Variants in DNAH3 observed in about 807,000 individuals in gnomAD.
DNAH3 encodes the protein dynein axonemal heavy chain 3.
In DNAH3, 332 loss-of-function variants were observed where a neutral mutation model predicts 432.5. That is an observed-to-expected ratio of 0.77 (90% CI 0.70 to 0.84). The LOEUF is 0.84. DNAH3 is among the 40% of genes least tolerant of loss of function. The probability of loss-of-function intolerance (pLI) is 0.00; values close to 1 mark genes in which losing one functional copy is unlikely to be tolerated. For missense variants in DNAH3, 4,861 were observed against 5,114.0 expected, an observed-to-expected ratio of 0.95 and a Z score of 1.51; for synonymous variants, 1,956 against 1,900.2, an observed-to-expected ratio of 1.03 and a Z score of -0.76.
chr16:21,153,615 C>T (rs1460978617), intron 1 of DNAH3, among the ~76,000 whole-genome samples: 5 of 152,162 alleles, frequency 3.3e-5, no homozygotes, highest in Admixed American at 6.5e-5. Flanking sequence ...TTCATGCCGC[C>T]TTAATAGCTG....
At chr16:20,945,018 C>T (rs2083982866) in intron 57 of DNAH3, among the ~76,000 whole-genome samples, 2 of 152,142 alleles carry the variant, frequency 1.3e-5, no homozygotes, top group Non-Finnish European at 2.9e-5. Flanking sequence ...TGTATAGGGA[C>T]TGGGTAAAAT....
intron 61 of DNAH3, 127 bp downstream of exon 61, chr16:20,935,221 C>T (rs925111779): frequency 1.8e-5 from 20 of 1,093,388 alleles, no homozygotes; most frequent in African/African-American, 3.2e-5. Flanking sequence ...ATGCTAAATG[C>T]TTCATATGTA....
intron 38 of DNAH3, among the ~76,000 whole-genome samples, chr16:21,026,681 A>ACAG (rs1181429099): frequency 6.9e-6 from 1 of 144,940 alleles, no homozygotes; most frequent in Admixed American, 7.0e-5. Flanking sequence ...AGCCTGGGTG[A>ACAG]CAGAGTGATA....
intron 19 of DNAH3, among the ~76,000 whole-genome samples, chr16:21,086,515 A>G (rs2091376410): frequency 6.6e-6 from 1 of 152,116 alleles, no homozygotes; most frequent in African/African-American, 2.4e-5. Flanking sequence ...ACTGTATTGA[A>G]CATCCCTGTT....
intron 38 of DNAH3, among the ~76,000 whole-genome samples, chr16:21,026,650 G>A (rs966604313): frequency 7.2e-6 from 1 of 139,700 alleles, no homozygotes; most frequent in Non-Finnish European, 1.5e-5. Flanking sequence ...GCAGTGAGTC[G>A]AGATCATGCC....
Position 20,948,623 on chromosome 16 carries a change from C to T in DNAH3, c.11203G>A (p.Gly3735Arg), listed in dbSNP as rs766826918. Reference sequence around the variant, plus strand: ...TCTTTGTCATCAGTCACTCTGCCTCCGTAATTACATTCCCCTGGGGACAAC... The same window carrying T: ...TCTTTGTCATCAGTCACTCTGCCTCTGTAATTACATTCCCCTGGGGACAAC... Residue 3735 changes from glycine (G) to arginine (R), a missense_variant, in exon 57 of 62, where the codon GGA (glycine) becomes AGA (arginine). Gly to Arg is a moderately radical substitution (Grantham distance 125). Coordinates refer to ENST00000261383, the Ensembl canonical transcript of DNAH3. 18 of 1,614,070 alleles carry T rather than the reference C, an allele frequency of 1.1e-5. No individual in the cohort carries two copies. In the South Asian group the frequency reaches 1.2e-4, roughly 11 times the overall value.
At position 20,959,453 on chromosome 16, in the gene DNAH3, C is replaced by A. The variant is rs368626498; in HGVS notation, c.10601-49G>T. The A allele has an allele frequency of 1.1e-5, 17 of 1,565,486 alleles. No individual in the cohort carries two copies. The East Asian group carries it at 3.2e-4, about 29-fold the overall frequency. ...TTTTGAAAGACGACAGGCCAGCTAA[C>A]AGTAACAGAACAGCTATATCAACAA... is the stretch of plus-strand genomic sequence containing the variant. On this transcript the variant is annotated intron_variant, in intron 53 of 61. Coordinates refer to ENST00000261383, the Ensembl canonical transcript of DNAH3.
At chr16:20,950,518 T>C (rs1295728616) in intron 56 of DNAH3, among the ~76,000 whole-genome samples, 3 of 152,206 alleles carry the variant, frequency 2.0e-5, no homozygotes, top group Admixed American at 6.5e-5. Flanking sequence ...TAAGCCTCTG[T>C]CTTCCCAGCT....
chr16:20,977,231 G>A (rs1396985336), intron 50 of DNAH3, among the ~76,000 whole-genome samples: 1 of 152,102 alleles, frequency 6.6e-6, no homozygotes, highest in Non-Finnish European at 1.5e-5. Context: ...GCAAAAATTA[G>A]CCAGGCGCTG....
intron 49 of DNAH3, 114 bp from the exon 50 acceptor site, chr16:20,979,660 G>A (rs1456377584): frequency 2.1e-5 from 19 of 905,998 alleles, no homozygotes; most frequent in Non-Finnish European, 2.6e-5. Flanking sequence ...ACTGTGACAC[G>A]TTAGAATCCA....
intron 19 of DNAH3, among the ~76,000 whole-genome samples, chr16:21,084,793 C>A (rs1223723158): frequency 6.6e-6 from 1 of 152,022 alleles, no homozygotes; most frequent in Non-Finnish European, 1.5e-5. Context: ...TTTCTGAGTG[C>A]CCACATACAA....
chr16:21,110,947 G>A (rs1392396618), intron 14 of DNAH3, among the ~76,000 whole-genome samples: 1 of 152,118 alleles, frequency 6.6e-6, no homozygotes, highest in Non-Finnish European at 1.5e-5. Flanking sequence ...TGAGGCTACC[G>A]TGCACTGTGA....
rs2088252944 is a variant in DNAH3, at chr16:21,021,954, T to A, written c.5776+17A>T. 6.2e-7 allele frequency: 1 copy of A among 1,611,890 alleles called. No homozygotes were observed. The highest frequency in any genetic ancestry group is 8.5e-7 in the Non-Finnish European group (1 of 1,179,324). On this transcript the variant is annotated intron_variant, in intron 40 of 61. Coordinates refer to ENST00000261383, the Ensembl canonical transcript of DNAH3. Reference sequence around the variant, plus strand: ...ACCCACCCCCCATGTGGCTTAAGAATCATGGCTAGCACTTACCAAGCAGAG... The same window carrying A: ...ACCCACCCCCCATGTGGCTTAAGAAACATGGCTAGCACTTACCAAGCAGAG...
intron 35 of DNAH3, 114 bp downstream of exon 35, chr16:21,036,600 A>G: frequency 1.0e-6 from 1 of 997,432 alleles, no homozygotes; most frequent in Non-Finnish European, 1.5e-6. Context: ...TTGCATTTCT[A>G]CACAGGCACC....
At chr16:21,118,793 A>G (rs1037066017) in intron 11 of DNAH3, among the ~76,000 whole-genome samples, 5 of 152,070 alleles carry the variant, frequency 3.3e-5, no homozygotes, top group African/African-American at 1.2e-4. Flanking sequence ...TAGTCACTCT[A>G]ACTCCCTCAT....
At chr16:21,020,874 T>C (rs1037420894) in intron 40 of DNAH3, among the ~76,000 whole-genome samples, 2 of 152,134 alleles carry the variant, frequency 1.3e-5, no homozygotes, top group African/African-American at 4.8e-5. Flanking sequence ...TCTTTGCCCA[T>C]TAAACAATAA....
At chr16:20,989,799 C>G (rs1467344509) in intron 44 of DNAH3, among the ~76,000 whole-genome samples, 1 of 152,256 alleles carries the variant, frequency 6.6e-6, no homozygotes, top group Non-Finnish European at 1.5e-5. Context: ...GGCAAGGCAG[C>G]TAAGGCTCAG....
rs201313213 is a variant in DNAH3, at chr16:21,141,159, TG to T, written c.521+140del. ...ATCTCAAAAAAAAAAATTTTTTTTTTGATTAAAGTGATTCGTGGATAAGAAT... is the reference window on the plus strand; with the variant it reads ...ATCTCAAAAAAAAAAATTTTTTTTTTATTAAAGTGATTCGTGGATAAGAAT... On this transcript the variant is annotated intron_variant, in intron 4 of 61. Coordinates refer to ENST00000261383, the Ensembl canonical transcript of DNAH3. The T allele has an allele frequency of 1.7e-3, 1,140 of 678,752 alleles. 2 individuals carry two copies. Among genetic ancestry groups the T allele is most frequent in the East Asian group, 3.2e-3 (103 of 32,608 alleles). The allele number at this position is 678,752 out of a possible 1,614,324, so 42.0% of individuals were successfully genotyped here.
At chr16:21,125,436 C>T in intron 8 of DNAH3, 66 bp from the exon 10 acceptor site, 7 of 1,381,588 alleles carry the variant, frequency 5.1e-6, no homozygotes, top group Non-Finnish European at 6.8e-6. Context: ...ACTTGCCGTG[C>T]CCCCTGAGCT....
Sources: gnomAD v4.1 joint callset for allele counts (sites outside exome capture counted in the v4.1 genomes callset) on GRCh38, gnomAD v4.1.1 for gene constraint, MANE v1.5 for transcripts, NCBI Gene and HGNC (gene_info 2026-07-23, HGNC 2026-07-21) for gene names.